RMC1: variants seen among roughly 807,000 people sequenced by gnomAD.
RMC1 encodes regulator of MON1-CCZ1, also known as regulator of MON1-CCZ1 complex.
RMC1 carries 44 observed loss-of-function variants against 95.5 expected under a neutral mutation model. The ratio of observed to expected loss-of-function variants is 0.46; its 90% CI spans 0.36 to 0.59. RMC1 has a LOEUF of 0.59. RMC1 is among the 20% of genes least tolerant of loss of function. The pLI is 0.00. For missense variants in RMC1, 705 were observed against 819.6 expected, an observed-to-expected ratio of 0.86 and a Z score of 1.71; for synonymous variants, 320 against 303.6, an observed-to-expected ratio of 1.05 and a Z score of -0.56.
At chr18:23,510,481 C>A (rs532705690) in intron 5 of RMC1, among the ~76,000 whole-genome samples, 10 of 151,990 alleles carry the variant, frequency 6.6e-5, no homozygotes, top group Non-Finnish European at 1.3e-4. Flanking sequence ...AACCCTGTCT[C>A]TATTAAAAAT....
chr18:23,507,208 G>A (rs1352032799), intron 3 of RMC1, among the ~76,000 whole-genome samples, 154 bp downstream of exon 3: 1 of 151,986 alleles, frequency 6.6e-6, no homozygotes, highest in African/African-American at 2.4e-5. Flanking sequence ...CTTCAAAAAC[G>A]AAAAAGACAT....
intron 2 of RMC1, among the ~76,000 whole-genome samples, chr18:23,505,537 ATCT>A (rs576024691): frequency 3.7e-3 from 556 of 152,296 alleles, no homozygotes; most frequent in Admixed American, 6.9e-3. Context: ...TTAGAGCTTT[ATCT>A]TCTTATTGAA....
intron 5 of RMC1, 76 bp downstream of exon 5, chr18:23,509,355 G>A (rs1358328104): frequency 6.1e-6 from 3 of 492,950 alleles, no homozygotes; most frequent in South Asian, 6.3e-5. Flanking sequence ...ATTCAGTACT[G>A]AATATATATA....
At chr18:23,512,281 A>C (rs2057882439) in intron 5 of RMC1, among the ~76,000 whole-genome samples, 1 of 152,118 alleles carries the variant, frequency 6.6e-6, no homozygotes, top group African/African-American at 2.4e-5. Flanking sequence ...TCGGCCCCCT[A>C]AAGTGCTGGG....
Position 23,527,074 on chromosome 18 carries a change from T to C in RMC1, c.1189+309T>C, listed in dbSNP as rs2145268015. Among the ~76,000 whole-genome samples the C allele has an allele frequency of 1.3e-5, 2 of 152,222 alleles. 1 individual carries two copies. The highest frequency in any genetic ancestry group is 4.1e-4 in the South Asian group (2 of 4,820). Reference sequence around the variant, plus strand: ...CAAAATCCAAGCCACTCACTGCATATGTGTCTTCTTTAAGAATCCCCTACT... The same window carrying C: ...CAAAATCCAAGCCACTCACTGCATACGTGTCTTCTTTAAGAATCCCCTACT... On this transcript the variant is annotated intron_variant, in intron 13 of 19. Coordinates refer to ENST00000269221, the MANE Select transcript of RMC1 (RefSeq NM_013326.5).
In RMC1 at chr18:23,509,193, A is replaced by G. The variant is rs781131339; in HGVS notation, c.322A>G (p.Thr108Ala). 4.4e-6 allele frequency: 6 copies of G among 1,370,208 alleles called. No individual in the cohort carries two copies. In the South Asian group the frequency reaches 1.0e-4, roughly 23 times the overall value. 84.9% of individuals were successfully genotyped at this position (1,370,208 alleles called of 1,614,324 possible). A position where few individuals can be genotyped will look rare whatever the true frequency, so the allele number is the denominator to read the frequency against. Residue 108 changes from threonine (T) to alanine (A), a missense_variant and splice_region_variant, in exon 5 of 20, where the codon ACT becomes GCT. Thr to Ala is a moderately conservative substitution (Grantham distance 58). Transcript: ENST00000269221. ...SQLEYTQECK[T>A]KNANILGFCW... Reference sequence around the variant, plus strand: ...AATATTTTTAAAAAATTTTTCTTAGACTAAGAATGCCAACATTCTAGGATT... The same window carrying G: ...AATATTTTTAAAAAATTTTTCTTAGGCTAAGAATGCCAACATTCTAGGATT...
Position 23,506,998 on chromosome 18 carries a change from A to C in RMC1, c.208A>C (p.Ile70Leu). Residue 70 changes from isoleucine (I) to leucine (L), a missense_variant, in exon 3 of 20, where the codon ATT becomes CTT. Transcript: ENST00000269221. Reference sequence around the variant, plus strand: ...GGATGACAAAGGAGAAGTGAAGTGCATTAAGTTTTCCTTAGAAAATAAGAT... The same window carrying C: ...GGATGACAAAGGAGAAGTGAAGTGCCTTAAGTTTTCCTTAGAAAATAAGAT... Reference protein sequence around the residue: ...RMDDKGEVKCIKFSLENKILA... With the variant: ...RMDDKGEVKCLKFSLENKILA... 1.9e-6 allele frequency: 3 copies of C among 1,609,670 alleles called. No homozygotes were observed. The highest frequency in any genetic ancestry group is 2.2e-5 in the East Asian group (1 of 44,734).
At chr18:23,507,475 T>A (rs2057745136) in intron 3 of RMC1, among the ~76,000 whole-genome samples, 1 of 152,212 alleles carries the variant, frequency 6.6e-6, no homozygotes, top group African/African-American at 2.4e-5. Context: ...TTTGGCTACT[T>A]TGTGAATTAG....
rs1468490424 is a variant in RMC1 at position 23,508,045 on chromosome 18, T to C, written c.321+4T>C. 1.2e-6 allele frequency: 2 copies of C among 1,609,956 alleles called. No homozygotes were observed. Among genetic ancestry groups the C allele is most frequent in the African/African-American group, 2.7e-5 (2 of 74,836 alleles). On this transcript the variant is annotated splice_donor_region_variant and intron_variant, in intron 4 of 19. Transcript: ENST00000269221. ...GGAATACACACAGGAGTGCAAGGTA[T>C]GACCCCAGGCCCTTTCTCAGCTGCT...
intron 2 of RMC1, chr18:23,506,252 A>C (rs1429935): frequency 0.49 from 74,201 of 151,766 alleles, 18,345 homozygotes; most frequent in East Asian, 0.61. Context: ...AATATTATGC[A>C]ATATGTGAGT....
At position 23,516,231 on chromosome 18, in the gene RMC1, G is replaced by T. The variant is rs2058001703; in HGVS notation, c.550-89G>T. 9.5e-6 allele frequency: 14 copies of T among 1,468,870 alleles called. No homozygotes were observed. The South Asian group carries it at 1.4e-4, about 14-fold the overall frequency. 91.0% of individuals were successfully genotyped at this position (1,468,870 alleles called of 1,614,324 possible). On this transcript the variant is annotated intron_variant, in intron 6 of 19. Coordinates refer to ENST00000269221, the MANE Select transcript of RMC1 (RefSeq NM_013326.5). ...TGGAAAGGATCCAAAGACGAAGTCT[G>T]TGTTTATCCTTGTTGGTTTTACACA... is the stretch of plus-strand genomic sequence containing the variant.
At position 23,514,055 on chromosome 18, in the gene RMC1, T is replaced by C. The variant is rs914224037; in HGVS notation, c.409-1801T>C. 9.2e-5 allele frequency among the ~76,000 whole-genome samples: 14 copies of C among 152,222 alleles called. No individual in the cohort carries two copies. In the East Asian group the frequency reaches 2.7e-3, roughly 29 times the overall value. ...TTCCAGCTTCCTGACCTATTAAGCA[T>C]GCTTCTGAGATCTCTAAGGGGAACT... On this transcript the variant is annotated intron_variant, in intron 5 of 19. Coordinates refer to ENST00000269221, the MANE Select transcript of RMC1 (RefSeq NM_013326.5).
intron 5 of RMC1, among the ~76,000 whole-genome samples, chr18:23,513,044 C>G (rs112602269): frequency 0.024 from 3,726 of 152,174 alleles, 116 homozygotes; most frequent in African/African-American, 0.086. Context: ...ACCTCTGTCT[C>G]CTGGGTTCAG....
At chr18:23,514,647 T>G (rs1319272625) in intron 5 of RMC1, among the ~76,000 whole-genome samples, 1 of 152,128 alleles carries the variant, frequency 6.6e-6, no homozygotes, top group Non-Finnish European at 1.5e-5. Flanking sequence ...ATTTTGTACA[T>G]GTGATTGCAT....
chr18:23,530,360 A>AC, intron 18 of RMC1, 27 bp from the exon 19 acceptor site: 2 of 1,613,992 alleles, frequency 1.2e-6, no homozygotes, highest in Non-Finnish European at 1.7e-6. Context: ...GTTTGCACTG[A>AC]CCTGGACTTC....
chr18:23,505,938 G>C (rs371903077), intron 2 of RMC1, among the ~76,000 whole-genome samples: 2 of 152,124 alleles, frequency 1.3e-5, no homozygotes, highest in East Asian at 3.9e-4. Context: ...AGGCCGAGGC[G>C]GGTGGATCAC....
intron 7 of RMC1, 77 bp downstream of exon 7, chr18:23,516,500 C>A: frequency 6.8e-7 from 1 of 1,462,180 alleles, no homozygotes. Flanking sequence ...GTGTTACAAG[C>A]ACCACGTGAT....
At chr18:23,529,970 A>T in intron 16 of RMC1, 58 bp from the exon 17 acceptor site, 2 of 1,457,436 alleles carry the variant, frequency 1.4e-6, no homozygotes, top group Non-Finnish European at 1.9e-6. Flanking sequence ...GGGAGCCTCT[A>T]GTCTGTTGTA....
intron 16 of RMC1, 76 bp downstream of exon 16, chr18:23,529,788 T>C (rs1028506224): frequency 3.7e-5 from 52 of 1,403,472 alleles, no homozygotes; most frequent in Non-Finnish European, 4.8e-5. Context: ...TCTTAGAAGA[T>C]GACTCATATG....
Sources: gnomAD v4.1 joint callset for allele counts (sites outside exome capture counted in the v4.1 genomes callset) on GRCh38, gnomAD v4.1.1 for gene constraint, MANE v1.5 for transcripts, NCBI Gene and HGNC (gene_info 2026-07-23, HGNC 2026-07-21) for gene names.